Variants in PDE4D observed in about 807,000 individuals in gnomAD.
The protein encoded by PDE4D is 3',5'-cyclic-AMP phosphodiesterase 4D.
Under a neutral mutation model 87.4 loss-of-function variants are expected in PDE4D, and 24 were observed. The ratio of observed to expected loss-of-function variants is 0.27; its 90% CI spans 0.20 to 0.39. The LOEUF (loss-of-function observed/expected upper bound fraction) is 0.39. Ranked by LOEUF, PDE4D falls within the 10% of genes least tolerant of loss-of-function variation. The pLI is 1.00. For missense variants in PDE4D, 714 were observed against 1,041.0 expected (o/e 0.69, Z 4.32); for synonymous variants, 384 against 383.2 (o/e 1.00, Z -0.02).
chr5:60,305,365 G>C (rs1754399295), intron 1 of PDE4D, among the ~76,000 whole-genome samples: 2 of 152,170 alleles, frequency 1.3e-5, no homozygotes, highest in Admixed American at 6.5e-5. Context: ...AAGAAAGACA[G>C]TGGGCTTAAG....
In PDE4D at chr5:59,726,470, C is replaced by T. The variant is rs529271510; in HGVS notation, c.455+166698G>A. On this transcript the variant is annotated intron_variant, in intron 1 of 14. Transcript: ENST00000340635. ...GGATTGGTGCTCTTATAAGAAAAGACACCAGAGAGCTTGCTCTTTCTCCAC... is the reference window on the plus strand; with the variant it reads ...GGATTGGTGCTCTTATAAGAAAAGATACCAGAGAGCTTGCTCTTTCTCCAC... Among the ~76,000 whole-genome samples the T allele has an allele frequency of 3.3e-5, 5 of 152,130 alleles. No individual in the cohort carries two copies. In the South Asian group the frequency reaches 8.3e-4, roughly 25 times the overall value.
chr5:60,111,686 A>T (rs944588616), intron 2 of PDE4D, among the ~76,000 whole-genome samples: 14 of 152,002 alleles, frequency 9.2e-5, no homozygotes, highest in Non-Finnish European at 1.6e-4. Flanking sequence ...CCAGATGGGT[A>T]TATCTGTGAT....
chr5:60,454,443 T>C (rs1746318710), intron 1 of PDE4D, among the ~76,000 whole-genome samples: 1 of 152,172 alleles, frequency 6.6e-6, no homozygotes, highest in African/African-American at 2.4e-5. Flanking sequence ...ATGTGGTACA[T>C]ATATACCATG....
rs1177837056 is a variant in PDE4D, at chr5:59,213,503, C to T, written c.647+2274G>A. ...CAGCTCCATCTTTAAACCCTCTTTC[C>T]CCTTGAATTTTTAGTCTCTTTCTAT... On this transcript the variant is annotated intron_variant, in intron 2 of 14. Transcript: ENST00000340635. Among the ~76,000 whole-genome samples, 4 of 152,036 alleles carry T rather than the reference C, an allele frequency of 2.6e-5. No individual in the cohort carries two copies. The East Asian group carries it at 7.7e-4, about 29-fold the overall frequency.
At chr5:59,752,168 A>G (rs1002851995) in intron 1 of PDE4D, among the ~76,000 whole-genome samples, 4 of 152,162 alleles carry the variant, frequency 2.6e-5, no homozygotes, top group Non-Finnish European at 4.4e-5. Flanking sequence ...ATAACATCCC[A>G]TATAGTAATT....
intron 2 of PDE4D, among the ~76,000 whole-genome samples, chr5:60,144,295 T>A (rs1780812445): frequency 6.6e-6 from 1 of 152,216 alleles, no homozygotes; most frequent in East Asian, 1.9e-4. Flanking sequence ...ATGAGTAAGG[T>A]GCTGATTAGC....
intron 5 of PDE4D, among the ~76,000 whole-genome samples, chr5:59,169,575 T>C (rs1326657124): frequency 1.3e-5 from 2 of 152,302 alleles, no homozygotes; most frequent in Admixed American, 6.5e-5. Flanking sequence ...AATATCACCT[T>C]GTATCTTCTT....
At chr5:60,232,039 T>C (rs889063514) in intron 1 of PDE4D, among the ~76,000 whole-genome samples, 8 of 151,946 alleles carry the variant, frequency 5.3e-5, no homozygotes, top group African/African-American at 1.9e-4. Context: ...TCAAGGCTTT[T>C]TATTTTCACA....
At chr5:59,870,841 T>C (rs1747722504) in intron 1 of PDE4D, among the ~76,000 whole-genome samples, 1 of 152,128 alleles carries the variant, frequency 6.6e-6, no homozygotes, top group Non-Finnish European at 1.5e-5. Flanking sequence ...AACCTAACAA[T>C]GGGAAGACAG....
At chr5:59,369,557 C>A (rs148685508) in intron 1 of PDE4D, among the ~76,000 whole-genome samples, 2 of 152,058 alleles carry the variant, frequency 1.3e-5, no homozygotes, top group Non-Finnish European at 2.9e-5. Flanking sequence ...TAAGCAGGGG[C>A]AGATGGGGCC....
In PDE4D at chr5:60,116,360, T is replaced by C. The variant is rs370185205; in HGVS notation, c.42+69197A>G. 2.0e-5 allele frequency among the ~76,000 whole-genome samples: 3 copies of C among 152,222 alleles called. No individual in the cohort carries two copies. The East Asian group carries it at 5.8e-4, about 29-fold the overall frequency. ...TATAAAAATTACATAGATTTAATTC[T>C]GAGCTTCCAAAGATGTTAATAAGGG... On this transcript the variant is annotated intron_variant, in intron 2 of 16. Transcript: ENST00000502484.
chr5:59,358,187 T>C (rs1024038860), intron 1 of PDE4D, among the ~76,000 whole-genome samples: 4 of 152,220 alleles, frequency 2.6e-5, no homozygotes, highest in African/African-American at 7.2e-5. Flanking sequence ...ACAGGTTTCA[T>C]ATCAGCTTTG....
rs147418714 is a variant in PDE4D at position 59,401,654 on chromosome 5, GTC to G, written c.456-185688_456-185687del. Among the ~76,000 whole-genome samples, 1,319 of 152,250 alleles carry G rather than the reference GTC, an allele frequency of 8.7e-3. 23 individuals carry two copies. The highest frequency in any genetic ancestry group is 0.03 in the African/African-American group (1,261 of 41,538). ...GTTAGGGGTTCTCAGTGGGTTATTT[GTC>G]TCTTTCTATTAAACTCCATTTACAT... On this transcript the variant is annotated intron_variant, in intron 1 of 14. Transcript: ENST00000340635.
chr5:60,449,319 T>G (rs969338263), intron 1 of PDE4D, among the ~76,000 whole-genome samples: 1 of 151,966 alleles, frequency 6.6e-6, no homozygotes, highest in Non-Finnish European at 1.5e-5. Context: ...TAAATGGAAT[T>G]GAAAAGTGAG....
At chr5:60,010,388 C>T (rs1429361777) in intron 2 of PDE4D, among the ~76,000 whole-genome samples, 1 of 152,116 alleles carries the variant, frequency 6.6e-6, no homozygotes, top group East Asian at 1.9e-4. Flanking sequence ...TACATTCATA[C>T]AAAATTGATA....
intron 2 of PDE4D, among the ~76,000 whole-genome samples, chr5:60,062,235 T>C (rs1004558340): frequency 6.6e-6 from 1 of 151,778 alleles, no homozygotes; most frequent in African/African-American, 2.4e-5. Flanking sequence ...AGAAAACCCA[T>C]TAAAAAGTGG....
intron 1 of PDE4D, among the ~76,000 whole-genome samples, chr5:59,609,585 C>G (rs1352741625): frequency 6.6e-6 from 1 of 152,140 alleles, no homozygotes; most frequent in Non-Finnish European, 1.5e-5. Flanking sequence ...CTCCCATTAA[C>G]TGTGTTCCTA....
intron 1 of PDE4D, among the ~76,000 whole-genome samples, chr5:59,563,393 T>C (rs1273586941): frequency 6.6e-6 from 1 of 152,194 alleles, no homozygotes; most frequent in African/African-American, 2.4e-5. Context: ...CAAATAAGAA[T>C]GCAATTATCT....
chr5:59,567,909 T>C (rs1031129236), intron 1 of PDE4D, among the ~76,000 whole-genome samples: 2 of 152,210 alleles, frequency 1.3e-5, no homozygotes, highest in Non-Finnish European at 2.9e-5. Flanking sequence ...GATTGTTAGA[T>C]ATGTGTACAT....
Sources: gnomAD v4.1 joint callset for allele counts (sites outside exome capture counted in the v4.1 genomes callset) on GRCh38, gnomAD v4.1.1 for gene constraint, MANE v1.5 for transcripts, NCBI Gene and HGNC (gene_info 2026-07-23, HGNC 2026-07-21) for gene names.